The following FSIP1 variants were observed in gnomAD, a reference collection of about 807,000 sequenced individuals.
The protein encoded by FSIP1 is fibrous sheath-interacting protein 1.
FSIP1 carries 65 observed loss-of-function variants against 60.9 expected under a neutral mutation model. The observed-to-expected ratio is 1.07, with a 90% CI of 0.87 to 1.31. The LOEUF is 1.31. Among genes scored for constraint, FSIP1 ranks in the 40% most tolerant of loss-of-function variants. The probability of loss-of-function intolerance (pLI) is 0.00; values close to 1 mark genes in which losing one functional copy is unlikely to be tolerated. For missense variants in FSIP1, 675 were observed against 665.5 expected, an observed-to-expected ratio of 1.01 and a Z score of -0.16; for synonymous variants, 209 against 221.2, an observed-to-expected ratio of 0.94 and a Z score of 0.49.
intron 10 of FSIP1, among the ~76,000 whole-genome samples, chr15:39,644,526 G>A (rs1892512284): frequency 6.6e-6 from 1 of 152,126 alleles, no homozygotes; most frequent in South Asian, 2.1e-4. Flanking sequence ...TGAGACACGA[G>A]GGGAGAGACC....
At chr15:39,606,033 G>A (rs1890811782) in intron 11 of FSIP1, among the ~76,000 whole-genome samples, 1 of 152,228 alleles carries the variant, frequency 6.6e-6, no homozygotes, top group Non-Finnish European at 1.5e-5. Flanking sequence ...GTGGGTGGTA[G>A]GCCACCCTCC....
At chr15:39,641,916 T>C (rs1892386383) in intron 10 of FSIP1, among the ~76,000 whole-genome samples, 1 of 152,202 alleles carries the variant, frequency 6.6e-6, no homozygotes, top group African/African-American at 2.4e-5. Context: ...TAGTAATATT[T>C]ATAAAATTAT....
chr15:39,647,701 A>G (rs367938604), intron 10 of FSIP1, among the ~76,000 whole-genome samples: 1 of 51,982 alleles, frequency 1.9e-5, no homozygotes, highest in Non-Finnish European at 3.3e-5. Context: ...ATTATCACTT[A>G]ATAGAATGAA....
chr15:39,661,825 T>C (rs6492909), intron 10 of FSIP1, among the ~76,000 whole-genome samples: 116,810 of 152,116 alleles, frequency 0.77, 45,925 homozygotes, highest in Non-Finnish European at 0.87. Flanking sequence ...TCACTCTTTT[T>C]TTCCACTAAG....
At chr15:39,742,424 T>C (rs972869662) in intron 5 of FSIP1, among the ~76,000 whole-genome samples, 1 of 152,226 alleles carries the variant, frequency 6.6e-6, no homozygotes, top group African/African-American at 2.4e-5. Context: ...AGAAGATAGA[T>C]AGGACATTGT....
intron 5 of FSIP1, among the ~76,000 whole-genome samples, chr15:39,750,312 A>G (rs916832532): frequency 1.3e-5 from 2 of 152,062 alleles, no homozygotes; most frequent in African/African-American, 2.4e-5. Context: ...ATGGAACCAC[A>G]AAAGACCCCA....
chr15:39,747,021 C>CTCCTTCCCTCCTTCCCTCCTTCCA (rs1897019890), intron 5 of FSIP1, among the ~76,000 whole-genome samples: 3 of 138,816 alleles, frequency 2.2e-5, no homozygotes, highest in Admixed American at 1.9e-4. Flanking sequence ...CCCTCCTTCC[C>CTCCTTCCCTCCTTCCCTCCTTCCA]TCCTTCCCTC....
intron 3 of FSIP1, among the ~76,000 whole-genome samples, chr15:39,766,756 T>C (rs1300685965): frequency 6.6e-6 from 1 of 152,248 alleles, no homozygotes. Flanking sequence ...AAGTGGCATA[T>C]TGTGCTAAGT....
intron 10 of FSIP1, among the ~76,000 whole-genome samples, chr15:39,632,230 T>A (rs1891922819): frequency 6.6e-6 from 1 of 152,134 alleles, no homozygotes; most frequent in Non-Finnish European, 1.5e-5. Context: ...CAGGCTGGAG[T>A]GCAGTGGCTC....
chr15:39,769,158 A>G (rs1167953758), intron 3 of FSIP1, among the ~76,000 whole-genome samples: 1 of 151,928 alleles, frequency 6.6e-6, no homozygotes, highest in Admixed American at 6.6e-5. Context: ...GGGCGCCTGT[A>G]GTCCCAGCTA....
chr15:39,704,316 A>G (rs1051562962), intron 10 of FSIP1, among the ~76,000 whole-genome samples: 3 of 152,252 alleles, frequency 2.0e-5, no homozygotes, highest in East Asian at 3.8e-4. Context: ...TATTTTTCCA[A>G]TTCGGACCTT....
Position 39,600,908 on chromosome 15 carries a change from T to C in FSIP1, c.1718A>G (p.Asp573Gly). 6.2e-7 allele frequency: 1 copy of C among 1,611,558 alleles called. No homozygotes were observed. The highest frequency in any genetic ancestry group is 8.5e-7 in the Non-Finnish European group (1 of 1,179,126). ...GGGTTCTTTACATTCTTCTGCTGCA[T>C]CTTTAGTCTCCTGCTCATCTGCACA... ...NTIADEQETK[D>G]AAEECKEP Residue 573 changes from aspartate (D) to glycine (G), a missense_variant, in exon 12 of 12, where the codon GAT (aspartate) becomes GGT (glycine). Coordinates refer to ENST00000350221, the MANE Select transcript of FSIP1 (RefSeq NM_152597.5).
intron 11 of FSIP1, chr15:39,602,447 A>G (rs1890675260): frequency 2.2e-6 from 1 of 449,342 alleles, no homozygotes; most frequent in Non-Finnish European, 4.5e-6. Context: ...AGTTGTTGTG[A>G]CAACCATAGG....
chr15:39,652,227 A>T (rs905301295), intron 10 of FSIP1, among the ~76,000 whole-genome samples: 2 of 152,224 alleles, frequency 1.3e-5, no homozygotes, highest in African/African-American at 2.4e-5. Context: ...TTACCATTTT[A>T]AAAAAGAATG....
chr15:39,767,713 G>A lies in FSIP1; in HGVS notation c.311-1967C>T, dbSNP rs118127107. ...AGTGACTACGGAACGATGCAGATGC[G>A]AAGGTGAGTTCAGCCAGAGGCAGTC... On this transcript the variant is annotated intron_variant, in intron 3 of 11. Coordinates refer to ENST00000350221, the MANE Select transcript of FSIP1 (RefSeq NM_152597.5). Among the ~76,000 whole-genome samples, 44 of 152,322 alleles carry A rather than the reference G, an allele frequency of 2.9e-4. No homozygotes were observed. The East Asian group carries it at 6.8e-3, about 23-fold the overall frequency.
chr15:39,681,502 G>T (rs1008548418), intron 10 of FSIP1, among the ~76,000 whole-genome samples: 2 of 152,056 alleles, frequency 1.3e-5, no homozygotes, highest in African/African-American at 4.8e-5. Flanking sequence ...GCAATTGTAA[G>T]TTATGATTAA....
chr15:39,770,881 G>A (rs777083974), intron 2 of FSIP1, among the ~76,000 whole-genome samples: 8 of 152,176 alleles, frequency 5.3e-5, no homozygotes, highest in African/African-American at 9.6e-5. Context: ...GCTATCTGCC[G>A]GGCTCTGGGA....
At chr15:39,779,272 A>G (rs1898167386) in intron 1 of FSIP1, among the ~76,000 whole-genome samples, 1 of 152,184 alleles carries the variant, frequency 6.6e-6, no homozygotes, top group African/African-American at 2.4e-5. Context: ...AAAAAGTCCA[A>G]CTTCTCTTAT....
intron 11 of FSIP1, among the ~76,000 whole-genome samples, chr15:39,611,591 A>T (rs1891036092): frequency 6.6e-6 from 1 of 152,274 alleles, no homozygotes; most frequent in African/African-American, 2.4e-5. Flanking sequence ...CAAGAGAGGA[A>T]GAAAGAAACA....
Sources: gnomAD v4.1 joint callset for allele counts (sites outside exome capture counted in the v4.1 genomes callset) on GRCh38, gnomAD v4.1.1 for gene constraint, MANE v1.5 for transcripts, NCBI Gene and HGNC (gene_info 2026-07-23, HGNC 2026-07-21) for gene names.